Variants in CDIN1 observed in about 807,000 individuals in gnomAD.
CDIN1 encodes the protein CDAN1-interacting nuclease 1.
CDIN1 carries 33 observed loss-of-function variants against 45.3 expected under a neutral mutation model. That is an observed-to-expected ratio of 0.73 (90% CI 0.55 to 0.97). The LOEUF is 0.97. Ranked by LOEUF, CDIN1 falls within the 50% of genes least tolerant of loss-of-function variation. The pLI, the probability that CDIN1 is intolerant of heterozygous loss-of-function variation, is 0.00. For missense variants in CDIN1, 303 were observed against 339.4 expected (o/e 0.89, Z 0.84); for synonymous variants, 118 against 124.4 (o/e 0.95, Z 0.34).
At chr15:36,791,311 C>A (rs903734303) in intron 10 of CDIN1, among the ~76,000 whole-genome samples, 10 of 152,174 alleles carry the variant, frequency 6.6e-5, no homozygotes, top group South Asian at 4.1e-4. Context: ...GTGCCATTAA[C>A]CACTAAATGC....
intron 10 of CDIN1, among the ~76,000 whole-genome samples, chr15:36,777,355 C>T (rs1190601844): frequency 6.6e-6 from 1 of 151,170 alleles, no homozygotes; most frequent in Non-Finnish European, 1.5e-5. Flanking sequence ...TTCAGGTCAC[C>T]TTATGTTGGA....
intron 10 of CDIN1, among the ~76,000 whole-genome samples, chr15:36,728,744 G>A (rs1365263108): frequency 6.6e-6 from 1 of 151,994 alleles, no homozygotes; most frequent in East Asian, 1.9e-4. Flanking sequence ...CACAATCTCG[G>A]CTCACTGCAA....
chr15:36,638,498 A>C (rs2039988160), intron 1 of CDIN1, among the ~76,000 whole-genome samples: 1 of 152,202 alleles, frequency 6.6e-6, no homozygotes, highest in African/African-American at 2.4e-5. Flanking sequence ...TATGAAGTGA[A>C]TAACATTTGA....
intron 10 of CDIN1, among the ~76,000 whole-genome samples, chr15:36,748,047 G>T (rs911742953): frequency 6.6e-6 from 1 of 152,206 alleles, no homozygotes; most frequent in African/African-American, 2.4e-5. Context: ...AGGTCTGGGG[G>T]AGTGGCAGTG....
At chr15:36,640,550 C>G in intron 1 of CDIN1, 2 of 813,810 alleles carry the variant, frequency 2.5e-6, no homozygotes, top group Non-Finnish European at 3.0e-6. Flanking sequence ...TTCCTAGATT[C>G]TATAGAAAAG....
At position 36,808,591 on chromosome 15, in the gene CDIN1, T is replaced by C; in HGVS notation, c.*138T>C. On this transcript the variant is annotated 3_prime_UTR_variant, in exon 11 of 11. Transcript: ENST00000566621. Reference sequence around the variant, plus strand: ...TGCTGCCCGTAGTCACACCACTACCTCTTTAGACAAACATATCAAGAGTTT... The same window carrying C: ...TGCTGCCCGTAGTCACACCACTACCCCTTTAGACAAACATATCAAGAGTTT... The C allele has an allele frequency of 8.8e-7, 1 of 1,140,552 alleles. No homozygotes were observed. The highest frequency in any genetic ancestry group is 1.2e-6 in the Non-Finnish European group (1 of 813,854). The allele number at this position is 1,140,552 out of a possible 1,614,324, so 70.7% of individuals were successfully genotyped here.
At chr15:36,619,111 AG>A in intron 1 of CDIN1, 1 of 1,064,904 alleles carries the variant, frequency 9.4e-7, no homozygotes. Flanking sequence ...AGCAAGGGCT[AG>A]TAAGGATTAT....
intron 10 of CDIN1, among the ~76,000 whole-genome samples, chr15:36,794,309 C>T (rs1789207169): frequency 6.6e-6 from 1 of 152,132 alleles, no homozygotes; most frequent in African/African-American, 2.4e-5. Context: ...CTACCCACCT[C>T]AGCCTCCCAA....
intron 1 of CDIN1, among the ~76,000 whole-genome samples, chr15:36,631,044 C>T (rs916732784): frequency 9.2e-5 from 14 of 152,280 alleles, no homozygotes; most frequent in Admixed American, 4.6e-4. Flanking sequence ...CAAACTATAG[C>T]GGATGCCTAC....
At chr15:36,611,406 T>C (rs1297257829) in intron 1 of CDIN1, among the ~76,000 whole-genome samples, 2 of 152,188 alleles carry the variant, frequency 1.3e-5, no homozygotes, top group African/African-American at 4.8e-5. Context: ...TTGTTGAAAT[T>C]CTGAATAAGT....
chr15:36,750,039 C>T (rs1405400235), intron 10 of CDIN1, among the ~76,000 whole-genome samples: 4 of 152,102 alleles, frequency 2.6e-5, no homozygotes, highest in African/African-American at 7.2e-5. Flanking sequence ...GAGCACTTCA[C>T]TTCTTCCTGA....
intron 10 of CDIN1, among the ~76,000 whole-genome samples, chr15:36,776,983 A>G (rs1004720328): frequency 2.6e-5 from 4 of 152,206 alleles, no homozygotes; most frequent in Admixed American, 1.3e-4. Flanking sequence ...CGCTGTTTTC[A>G]TCTTTTTGTC....
chr15:36,697,909 G>T, intron 8 of CDIN1, among the ~76,000 whole-genome samples: 1 of 152,092 alleles, frequency 6.6e-6, no homozygotes, highest in Admixed American at 6.6e-5. Flanking sequence ...GTGTATTACA[G>T]ATTATTTCTT....
chr15:36,619,105 A>G, intron 1 of CDIN1: 1 of 1,051,112 alleles, frequency 9.5e-7, no homozygotes, highest in South Asian at 1.5e-5. Flanking sequence ...GCCAGAAGCA[A>G]GGGCTAGTAA....
In CDIN1 at chr15:36,796,657, G is replaced by A. The variant is rs148419021; in HGVS notation, c.717-11667G>A. Among the ~76,000 whole-genome samples, 20 of 152,224 alleles carry A rather than the reference G, an allele frequency of 1.3e-4. No homozygotes were observed. The East Asian group carries it at 1.4e-3, about 10-fold the overall frequency. ...TGTTCACCTCAGATGTTCATACATC[G>A]GGGCTTGAAATCCCCATGAGATGTT... On this transcript the variant is annotated intron_variant, in intron 10 of 10. Transcript: ENST00000566621.
chr15:36,649,163 A>G (rs2040473445), intron 3 of CDIN1, among the ~76,000 whole-genome samples: 1 of 152,174 alleles, frequency 6.6e-6, no homozygotes, highest in African/African-American at 2.4e-5. Flanking sequence ...TCCTAATGGT[A>G]CCTTTCTCTG....
intron 10 of CDIN1, among the ~76,000 whole-genome samples, chr15:36,743,183 G>T (rs2044299069): frequency 6.6e-6 from 1 of 152,254 alleles, no homozygotes; most frequent in Admixed American, 6.5e-5. Context: ...TCGGCAGTGG[G>T]AAGCCTTTGA....
chr15:36,697,293 T>C (rs758502812), intron 7 of CDIN1, 30 bp from the exon 8 acceptor site: 4 of 1,601,500 alleles, frequency 2.5e-6, no homozygotes, highest in Non-Finnish European at 3.4e-6. Flanking sequence ...TAATTCTGCC[T>C]GTGTTACCCC....
intron 5 of CDIN1, among the ~76,000 whole-genome samples, chr15:36,673,588 G>A (rs1344042964): frequency 6.6e-6 from 1 of 151,942 alleles, no homozygotes; most frequent in African/African-American, 2.4e-5. Context: ...AGAGAAAAAT[G>A]CAAATTTCTT....
Sources: allele counts gnomAD v4.1 joint callset (sites outside exome capture counted in the v4.1 genomes callset), GRCh38; gene constraint gnomAD v4.1.1; transcripts MANE v1.5; gene names NCBI Gene and HGNC (gene_info 2026-07-23, HGNC 2026-07-21).